CPPED1: variants seen among roughly 807,000 people sequenced by gnomAD.
CPPED1 encodes the protein calcineurin like phosphoesterase domain containing 1.
CPPED1 carries 28 observed loss-of-function variants against 28.0 expected under a neutral mutation model. That is an observed-to-expected ratio of 1.00 (90% CI 0.74 to 1.37). The LOEUF is 1.37. CPPED1 is among the 40% of genes most tolerant of loss of function. The pLI is 0.00. For missense variants in CPPED1, 504 were observed against 416.5 expected (o/e 1.21, Z -1.83); for synonymous variants, 198 against 180.2 (o/e 1.10, Z -0.79).
chr16:12,770,856 G>T (rs1028718375), intron 2 of CPPED1, among the ~76,000 whole-genome samples: 1 of 115,724 alleles, frequency 8.6e-6, no homozygotes, highest in Non-Finnish European at 1.9e-5. Flanking sequence ...AAAGGAAAGG[G>T]AGAGAAGGAA....
At chr16:12,728,527 T>G (rs940254349) in intron 2 of CPPED1, among the ~76,000 whole-genome samples, 1 of 151,902 alleles carries the variant, frequency 6.6e-6, no homozygotes, top group Non-Finnish European at 1.5e-5. Flanking sequence ...AAACATTTCC[T>G]GAGCTGCCCA....
At chr16:12,747,567 A>G (rs1305068612) in intron 2 of CPPED1, among the ~76,000 whole-genome samples, 16 of 152,168 alleles carry the variant, frequency 1.1e-4, no homozygotes, top group Admixed American at 1.0e-3. Flanking sequence ...CCTTGTAGCT[A>G]TTAAATAAAT....
intron 2 of CPPED1, among the ~76,000 whole-genome samples, chr16:12,731,585 G>C (rs2080197870): frequency 6.6e-6 from 1 of 151,900 alleles, no homozygotes; most frequent in South Asian, 2.1e-4. Flanking sequence ...TGGGGAATCT[G>C]AGAGCCAAAA....
intron 2 of CPPED1, among the ~76,000 whole-genome samples, chr16:12,749,589 TTTTG>T (rs1301877157): frequency 5.9e-5 from 9 of 152,172 alleles, no homozygotes; most frequent in African/African-American, 9.6e-5. Flanking sequence ...GAATCACAAA[TTTTG>T]TTTGTTTGTT....
At chr16:12,668,152 T>C (rs776444879) in intron 3 of CPPED1, among the ~76,000 whole-genome samples, 1 of 152,138 alleles carries the variant, frequency 6.6e-6, no homozygotes, top group Non-Finnish European at 1.5e-5. Context: ...AAAAGACATG[T>C]TTGGAACATA....
intron 2 of CPPED1, among the ~76,000 whole-genome samples, chr16:12,768,455 C>T (rs1567301685): frequency 6.6e-6 from 1 of 152,192 alleles, no homozygotes; most frequent in East Asian, 1.9e-4. Flanking sequence ...AATATCCACA[C>T]TTTTCTAGCT....
In CPPED1 at chr16:12,803,848, C is replaced by G. The variant is rs573754047; in HGVS notation, c.-72G>C. The G allele has an allele frequency of 7.7e-6, 11 of 1,421,382 alleles. No homozygotes were observed. The highest frequency in any genetic ancestry group is 1.1e-5 in the Non-Finnish European group (11 of 1,047,550). 88.0% of individuals were successfully genotyped at this position (1,421,382 alleles called of 1,614,324 possible). A position where few individuals can be genotyped will look rare whatever the true frequency, so the allele number is the denominator to read the frequency against. ...GCCGCGCGACTTCACACAGAACAAC[C>G]GCTGGACCTGTCCCGCTTTGGGCGA... On this transcript the variant is annotated 5_prime_UTR_variant, in exon 1 of 4. Coordinates refer to ENST00000381774, the MANE Select transcript of CPPED1 (RefSeq NM_018340.3).
chr16:12,740,981 T>C (rs565797875), intron 2 of CPPED1, among the ~76,000 whole-genome samples: 1 of 152,136 alleles, frequency 6.6e-6, no homozygotes. Flanking sequence ...AAAGGATGAG[T>C]CCACAACTAT....
chr16:12,767,621 A>T (rs986770570), intron 2 of CPPED1, among the ~76,000 whole-genome samples: 19 of 152,202 alleles, frequency 1.2e-4, no homozygotes, highest in Non-Finnish European at 2.9e-5. Flanking sequence ...GGCTGGATGA[A>T]GCCCATCCAT....
At chr16:12,703,540 G>C (rs1187225069) in intron 3 of CPPED1, among the ~76,000 whole-genome samples, 1 of 152,174 alleles carries the variant, frequency 6.6e-6, no homozygotes, top group Non-Finnish European at 1.5e-5. Context: ...AAATTAGCCA[G>C]GCGTGGTGGT....
chr16:12,703,681 C>CAAAA (rs11334902), intron 3 of CPPED1, among the ~76,000 whole-genome samples: 1 of 97,286 alleles, frequency 1.0e-5, no homozygotes, highest in Admixed American at 1.1e-4. Context: ...GACTTTGTCT[C>CAAAA]AAAAAAAAAA....
rs559035452 is a variant in CPPED1 at position 12,800,824 on chromosome 16, C to T, written c.70+2883G>A. ...TCACACTTGCTCTGCCCATGGTCCA[C>T]ATGGTCTTCCCTCCCTTCGTGGCCC... On this transcript the variant is annotated intron_variant, in intron 1 of 3. Coordinates refer to ENST00000381774, the MANE Select transcript of CPPED1 (RefSeq NM_018340.3). Among the ~76,000 whole-genome samples, 122 of 152,296 alleles carry T rather than the reference C, an allele frequency of 8.0e-4. 2 individuals carry two copies. Among genetic ancestry groups the T allele is most frequent in the African/African-American group, 2.8e-3 (117 of 41,548 alleles).
At chr16:12,753,315 A>G (rs929450883) in intron 2 of CPPED1, 3 of 152,052 alleles carry the variant, frequency 2.0e-5, no homozygotes, top group African/African-American at 7.2e-5. Flanking sequence ...TGAAATTGAA[A>G]CTGATAATAT....
rs1434901283 is a variant in CPPED1, at chr16:12,665,122, A to G, written c.716-7T>C. The stretch of plus-strand genomic sequence containing the variant: ...GAGAACACGACTTTGACACCTGCAG[A>G]GAAGGGAAAAAGTCATTAGGGGGCC... On this transcript the variant is annotated splice_region_variant and splice_polypyrimidine_tract_variant and intron_variant, in intron 3 of 3. Coordinates refer to ENST00000381774, the MANE Select transcript of CPPED1 (RefSeq NM_018340.3). The G allele has an allele frequency of 6.3e-7, 1 of 1,588,894 alleles. No homozygotes were observed. The highest frequency in any genetic ancestry group is 1.9e-5 in the Admixed American group (1 of 51,720).
intron 2 of CPPED1, among the ~76,000 whole-genome samples, chr16:12,710,057 G>A (rs542654556): frequency 1.3e-5 from 2 of 152,192 alleles, no homozygotes; most frequent in East Asian, 3.9e-4. Flanking sequence ...TAGAAAGAAA[G>A]AAATCAGTCA....
intron 1 of CPPED1, among the ~76,000 whole-genome samples, chr16:12,784,568 A>AC (rs2141240887): frequency 6.6e-6 from 1 of 152,172 alleles, no homozygotes; most frequent in African/African-American, 2.4e-5. Context: ...AAAAAAAAAA[A>AC]ACTGAGACTC....
intron 2 of CPPED1, among the ~76,000 whole-genome samples, chr16:12,751,360 T>C (rs2080327452): frequency 6.6e-6 from 1 of 151,438 alleles, no homozygotes; most frequent in Non-Finnish European, 1.5e-5. Flanking sequence ...TGAAGAAAGT[T>C]TTAGTGATCA....
At chr16:12,720,564 T>C (rs909721993) in intron 2 of CPPED1, among the ~76,000 whole-genome samples, 1 of 152,254 alleles carries the variant, frequency 6.6e-6, no homozygotes, top group Non-Finnish European at 1.5e-5. Flanking sequence ...CTTGGCTCAC[T>C]GAAACCTCTG....
intron 2 of CPPED1, among the ~76,000 whole-genome samples, chr16:12,736,783 G>A (rs1412920934): frequency 6.6e-6 from 1 of 152,208 alleles, no homozygotes; most frequent in Non-Finnish European, 1.5e-5. Flanking sequence ...GAGAAAGATG[G>A]ATGATCAGTG....
Sources: allele counts gnomAD v4.1 joint callset (sites outside exome capture counted in the v4.1 genomes callset), GRCh38; gene constraint gnomAD v4.1.1; transcripts MANE v1.5; gene names NCBI Gene and HGNC (gene_info 2026-07-23, HGNC 2026-07-21).